The following BCKDHB variants were observed in gnomAD, a reference collection of about 807,000 sequenced individuals.
The protein encoded by BCKDHB is 2-oxoisovalerate dehydrogenase subunit beta, mitochondrial.
BCKDHB carries 41 observed loss-of-function variants against 48.5 expected under a neutral mutation model. The ratio of observed to expected loss-of-function variants is 0.85; its 90% CI spans 0.66 to 1.10. The LOEUF is 1.10. BCKDHB is among the 50% of genes least tolerant of loss of function. The pLI, the probability that BCKDHB is intolerant of heterozygous loss-of-function variation, is 0.00. For synonymous variants in BCKDHB, 201 were observed against 174.8 expected, an observed-to-expected ratio of 1.15 and a Z score of -1.18; for missense variants, 496 against 494.2, an observed-to-expected ratio of 1.00 and a Z score of -0.03.
chr6:80,251,072 T>A (rs1562175539), intron 8 of BCKDHB, among the ~76,000 whole-genome samples: 1 of 152,208 alleles, frequency 6.6e-6, no homozygotes, highest in Non-Finnish European at 1.5e-5. Flanking sequence ...GTATTAATAG[T>A]TAAGTCATTT....
chr6:80,178,760 A>G (rs1773280521), intron 6 of BCKDHB, among the ~76,000 whole-genome samples: 3 of 152,320 alleles, frequency 2.0e-5, no homozygotes, highest in South Asian at 2.1e-4. Flanking sequence ...TCACACAACC[A>G]GGATTGGGCA....
At chr6:80,140,098 C>T (rs1291716194) in intron 3 of BCKDHB, among the ~76,000 whole-genome samples, 1 of 152,132 alleles carries the variant, frequency 6.6e-6, no homozygotes, top group East Asian at 1.9e-4. Context: ...TGATTTGGCT[C>T]TCTGTTTGTC....
intron 1 of BCKDHB, among the ~76,000 whole-genome samples, chr6:80,118,235 G>C (rs1423153147): frequency 6.6e-6 from 1 of 152,200 alleles, no homozygotes; most frequent in African/African-American, 2.4e-5. Context: ...TTGCAATATA[G>C]TGAATATTAC....
chr6:80,123,581 T>C (rs1260507932), intron 1 of BCKDHB, among the ~76,000 whole-genome samples: 1 of 152,164 alleles, frequency 6.6e-6, no homozygotes, highest in Non-Finnish European at 1.5e-5. Flanking sequence ...CCTGTTATTG[T>C]TCTATTCAGA....
At chr6:80,244,123 G>T (rs961740507) in intron 8 of BCKDHB, among the ~76,000 whole-genome samples, 1 of 152,294 alleles carries the variant, frequency 6.6e-6, no homozygotes, top group East Asian at 1.9e-4. Flanking sequence ...AACTGATTGG[G>T]AAACATGTTA....
rs190853975 is a variant in BCKDHB at position 80,306,812 on chromosome 6, A to G, written c.1038+33591A>G. 1.3e-4 allele frequency among the ~76,000 whole-genome samples: 20 copies of G among 152,234 alleles called. No homozygotes were observed. The East Asian group carries it at 3.9e-3, about 29-fold the overall frequency. On this transcript the variant is annotated intron_variant, in intron 9 of 9. Transcript: ENST00000320393. ...CTCTCATTTCCTTTATCCTGACCCC[A>G]GCTTCCTTGTGGAAGTTGGCTTGAT... is the stretch of plus-strand genomic sequence containing the variant.
intron 8 of BCKDHB, among the ~76,000 whole-genome samples, chr6:80,218,864 G>A (rs1296248124): frequency 6.6e-6 from 1 of 152,072 alleles, no homozygotes; most frequent in Non-Finnish European, 1.5e-5. Context: ...TTTAAAAGTT[G>A]AAAAGCAGTA....
At chr6:80,356,819 C>A in the BCKDHB span, 2 of 151,950 alleles carry the variant, frequency 1.3e-5, no homozygotes, top group Non-Finnish European at 2.9e-5. Context: ...ACTGCAAGAA[C>A]CTGGAATCAA....
chr6:80,247,437 G>A (rs1041624853), intron 8 of BCKDHB, among the ~76,000 whole-genome samples: 3 of 152,168 alleles, frequency 2.0e-5, no homozygotes, highest in African/African-American at 7.2e-5. Flanking sequence ...TAACAAATCA[G>A]GCTGATTTCC....
At chr6:80,293,684 A>G (rs1762887946) in intron 9 of BCKDHB, among the ~76,000 whole-genome samples, 1 of 152,054 alleles carries the variant, frequency 6.6e-6, no homozygotes, top group Non-Finnish European at 1.5e-5. Flanking sequence ...TTTCTATTGC[A>G]TTGTCAGTCT....
intron 6 of BCKDHB, among the ~76,000 whole-genome samples, chr6:80,181,272 T>G (rs1411404944): frequency 6.6e-6 from 1 of 152,220 alleles, no homozygotes; most frequent in Non-Finnish European, 1.5e-5. Context: ...ATACAACTGC[T>G]GAAAATCAGA....
intron 3 of BCKDHB, among the ~76,000 whole-genome samples, chr6:80,144,791 G>A (rs1771398076): frequency 6.6e-6 from 1 of 152,106 alleles, no homozygotes; most frequent in Non-Finnish European, 1.5e-5. Context: ...AGTAAAATTT[G>A]TTCCCAATTT....
At chr6:80,116,322 TTCTTTC>T (rs926443042) in intron 1 of BCKDHB, among the ~76,000 whole-genome samples, 3 of 152,252 alleles carry the variant, frequency 2.0e-5, no homozygotes, top group African/African-American at 7.2e-5. Flanking sequence ...TCTTAGACAT[TTCTTTC>T]TCTTTAAGTT....
Position 80,240,971 on chromosome 6 carries a change from ACTTCT to A in BCKDHB, c.952-32157_952-32153del, listed in dbSNP as rs1359166642. Among the ~76,000 whole-genome samples, 5 of 151,878 alleles carry A rather than the reference ACTTCT, an allele frequency of 3.3e-5. No individual in the cohort carries two copies. The East Asian group carries it at 5.8e-4, about 18-fold the overall frequency. On this transcript the variant is annotated intron_variant, in intron 8 of 9. Transcript: ENST00000320393. Reference sequence around the variant, plus strand: ...TTTCTTTTTACTCTTTTTTCTCTAAACTTCTCTTCTCACTTCACTTCATTCATCTG... The same window carrying A: ...TTTCTTTTTACTCTTTTTTCTCTAAACTTCTCACTTCACTTCATTCATCTG...
At chr6:80,424,689 A>G in the BCKDHB span, among the ~76,000 whole-genome samples, 5 of 152,164 alleles carry the variant, frequency 3.3e-5, no homozygotes, top group African/African-American at 1.2e-4. Context: ...TCTTTCATTG[A>G]GTTTCCTTCT....
intron 6 of BCKDHB, among the ~76,000 whole-genome samples, chr6:80,180,665 C>T (rs912198541): frequency 6.6e-6 from 1 of 152,016 alleles, no homozygotes; most frequent in African/African-American, 2.4e-5. Context: ...TATTGAGGAA[C>T]TTTTTTAGCA....
chr6:80,370,820 G>A, the BCKDHB span, among the ~76,000 whole-genome samples: 517 of 142,358 alleles, frequency 3.6e-3, 3 homozygotes, highest in Admixed American at 4.8e-3. Context: ...ATATATATAT[G>A]TGTGTGTGTG....
chr6:80,298,814 T>C (rs1767400782), intron 9 of BCKDHB, among the ~76,000 whole-genome samples: 1 of 152,150 alleles, frequency 6.6e-6, no homozygotes, highest in African/African-American at 2.4e-5. Context: ...GACCCACTCA[T>C]TGCAGCCAAC....
At chr6:80,325,135 C>CT (rs1384080144) in intron 9 of BCKDHB, among the ~76,000 whole-genome samples, 1 of 152,092 alleles carries the variant, frequency 6.6e-6, no homozygotes, top group Non-Finnish European at 1.5e-5. Flanking sequence ...AGAAAAAAAT[C>CT]TGTGGTGTTT....
Sources: allele counts gnomAD v4.1 joint callset (sites outside exome capture counted in the v4.1 genomes callset), GRCh38; gene constraint gnomAD v4.1.1; transcripts MANE v1.5; gene names NCBI Gene and HGNC (gene_info 2026-07-23, HGNC 2026-07-21).